The following AUNIP variants were observed in gnomAD, a reference collection of about 807,000 sequenced individuals.
AUNIP encodes aurora kinase A and ninein interacting protein, also known as aurora kinase A- and ninein-interacting protein.
AUNIP carries 16 observed loss-of-function variants against 12.2 expected under a neutral mutation model. That is an observed-to-expected ratio of 1.31 (90% CI 0.88 to 1.99). AUNIP has a LOEUF of 1.99. Among genes scored for constraint, AUNIP ranks in the 30% most tolerant of loss-of-function variants. The pLI is 0.00. For missense variants in AUNIP, 411 were observed against 419.1 expected (o/e 0.98, Z 0.17); for synonymous variants, 142 against 154.8 (o/e 0.92, Z 0.61).
intron 1 of AUNIP, among the ~76,000 whole-genome samples, chr1:25,844,257 C>G (rs564182877): frequency 6.6e-6 from 1 of 152,144 alleles, no homozygotes; most frequent in African/African-American, 2.4e-5. Context: ...TAGGTGTGCA[C>G]CACCATGCCC....
intron 1 of AUNIP, among the ~76,000 whole-genome samples, chr1:25,845,420 T>C (rs2124505731): frequency 6.6e-6 from 1 of 152,312 alleles, no homozygotes; most frequent in Middle Eastern, 3.4e-3. Flanking sequence ...CTGAACTACA[T>C]GTCAGTCCCT....
At chr1:25,846,704 C>A (rs903924517) in intron 1 of AUNIP, among the ~76,000 whole-genome samples, 1 of 152,168 alleles carries the variant, frequency 6.6e-6, no homozygotes, top group East Asian at 1.9e-4. Flanking sequence ...GGCAGCTAAG[C>A]GAGACTCCGT....
intron 1 of AUNIP, among the ~76,000 whole-genome samples, chr1:25,849,029 A>G (rs2048407044): frequency 6.6e-6 from 1 of 152,192 alleles, no homozygotes; most frequent in Admixed American, 6.5e-5. Context: ...ATGAAACCTG[A>G]GAATGGTTCT....
At chr1:25,832,256 G>A (rs1024109992), downstream of AUNIP, 63 of 1,285,932 alleles carry the variant, frequency 4.9e-5, no homozygotes, top group Non-Finnish European at 5.8e-5. Flanking sequence ...TCAGGTAATC[G>A]TGTAGAATGA....
At chr1:25,842,905 G>A (rs1003257281) in intron 1 of AUNIP, among the ~76,000 whole-genome samples, 8 of 152,090 alleles carry the variant, frequency 5.3e-5, no homozygotes, top group Non-Finnish European at 8.8e-5. Flanking sequence ...CATTAGCTGG[G>A]CACAGTGGCT....
In AUNIP at chr1:25,835,074, A is replaced by C. The variant is rs1164090711; in HGVS notation, c.993T>G (p.Asp331Glu). The C allele has an allele frequency of 6.2e-7, 1 of 1,614,110 alleles. No individual in the cohort carries two copies. Among genetic ancestry groups the C allele is most frequent in the African/African-American group, 1.3e-5 (1 of 74,936 alleles). The stretch of plus-strand genomic sequence containing the variant: ...CAGGCTTCAGATTTTGAGTTGGCCC[A>C]TCCTCCTGGCACTGAGCCCAAGGAC... The part of the protein sequence containing the change: ...PNSPWAQCQE[D>E]GPTQNLKPDL... Residue 331 changes from aspartate (D) to glutamate (E), a missense_variant, in exon 3 of 3, where the codon GAT becomes GAG. Transcript: ENST00000374298.
At chr1:25,843,829 T>G (rs1262358575) in intron 1 of AUNIP, among the ~76,000 whole-genome samples, 4 of 151,126 alleles carry the variant, frequency 2.6e-5, no homozygotes, top group Non-Finnish European at 1.5e-5. Flanking sequence ...AATAAAAATT[T>G]TAATGGATGA....
chr1:25,837,883 G>A (rs551841318), intron 1 of AUNIP, among the ~76,000 whole-genome samples: 19 of 152,318 alleles, frequency 1.2e-4, no homozygotes, highest in African/African-American at 4.6e-4. Context: ...TTCTACAGCA[G>A]CAGTTGATGC....
At chr1:25,849,967 G>A (rs943488306) in intron 1 of AUNIP, among the ~76,000 whole-genome samples, 3 of 152,046 alleles carry the variant, frequency 2.0e-5, no homozygotes, top group Non-Finnish European at 4.4e-5. Context: ...ACCAGTTGAT[G>A]TTCATCAGTT....
At chr1:25,833,502 G>A (rs529912087), downstream of AUNIP, among the ~76,000 whole-genome samples, 182 of 151,940 alleles carry the variant, frequency 1.2e-3, no homozygotes, top group Non-Finnish European at 2.1e-3. Context: ...TTTAAATTAG[G>A]CCAGGCACAG....
chr1:25,857,552 T>C (rs1572270454), intron 1 of AUNIP, among the ~76,000 whole-genome samples: 1 of 150,708 alleles, frequency 6.6e-6, no homozygotes, highest in East Asian at 2.0e-4. Flanking sequence ...CCCGGCCATT[T>C]TGATAATTTT....
chr1:25,837,648 C>T (rs2048314030), intron 1 of AUNIP, 94 bp from the exon 2 acceptor site: 1 of 1,307,394 alleles, frequency 7.6e-7, no homozygotes, highest in African/African-American at 1.5e-5. Context: ...CTGAGAACCA[C>T]ACTAGATCCT....
In AUNIP at chr1:25,859,379, G is replaced by T; in HGVS notation, c.-22C>A. 1.3e-6 allele frequency: 2 copies of T among 1,493,540 alleles called. No individual in the cohort carries two copies. The highest frequency in any genetic ancestry group is 1.8e-6 in the Non-Finnish European group (2 of 1,130,160). The allele number at this position is 1,493,540 out of a possible 1,614,324, so 92.5% of individuals were successfully genotyped here. A position where few individuals can be genotyped will look rare whatever the true frequency, so the allele number is the denominator to read the frequency against. ...TCATGGCCGCTGAGGAGACGAAGCCGGCAGGACGCCGGCGCAGGCTCCCGG... is the reference window on the plus strand; with the variant it reads ...TCATGGCCGCTGAGGAGACGAAGCCTGCAGGACGCCGGCGCAGGCTCCCGG... On this transcript the variant is annotated 5_prime_UTR_variant, in exon 1 of 3. Transcript: ENST00000374298.
downstream of AUNIP, among the ~76,000 whole-genome samples, chr1:25,833,602 A>G (rs1315071221): frequency 6.6e-6 from 1 of 152,048 alleles, no homozygotes; most frequent in African/African-American, 2.4e-5. Flanking sequence ...TATTTTAAAA[A>G]TAATTAGCTG....
At chr1:25,831,920 G>A, downstream of AUNIP, 2 of 1,613,650 alleles carry the variant, frequency 1.2e-6, no homozygotes, top group African/African-American at 1.3e-5. Context: ...TGTGTCTCTA[G>A]GAACCGGAGT....
rs746097445 is a variant in AUNIP, at chr1:25,835,537, T to C, written c.530A>G (p.Glu177Gly). Residue 177 changes from glutamate to glycine, a missense_variant, in exon 3 of 3, where the codon GAG (glutamate) becomes GGG (glycine). Physicochemically the swap from Glu to Gly is moderately conservative, Grantham distance 98. Coordinates refer to ENST00000374298, the MANE Select transcript of AUNIP (RefSeq NM_024037.3). ...TAGCAAACAAGAACTTTCCAAGTCC[T>C]CGGTGAAGGAAAAAGCCAGTGGGGT... ...SHTPLAFSFT[E>G]DLESSCLLDR... 8 of 1,614,086 alleles carry C rather than the reference T, an allele frequency of 5.0e-6. No individual in the cohort carries two copies. Among genetic ancestry groups the C allele is most frequent in the Non-Finnish European group, 6.8e-6 (8 of 1,180,044 alleles).
chr1:25,851,292 G>A (rs2048422397), intron 1 of AUNIP, among the ~76,000 whole-genome samples: 1 of 152,108 alleles, frequency 6.6e-6, no homozygotes, highest in Middle Eastern at 3.4e-3. Flanking sequence ...GAGTATTTTT[G>A]TATCTGTATT....
chr1:25,843,228 T>C (rs1326211338), intron 1 of AUNIP, among the ~76,000 whole-genome samples: 2 of 149,772 alleles, frequency 1.3e-5, no homozygotes, highest in African/African-American at 4.9e-5. Flanking sequence ...ATAATGTTCC[T>C]AGCCACTCAA....
intron 1 of AUNIP, among the ~76,000 whole-genome samples, chr1:25,853,788 T>A (rs565515840): frequency 2.5e-4 from 38 of 152,290 alleles, no homozygotes; most frequent in Non-Finnish European, 5.1e-4. Context: ...CTAACATGGC[T>A]GTTAACAGGC....
Sources: allele counts gnomAD v4.1 joint callset (sites outside exome capture counted in the v4.1 genomes callset), GRCh38; gene constraint gnomAD v4.1.1; transcripts MANE v1.5; gene names NCBI Gene and HGNC (gene_info 2026-07-23, HGNC 2026-07-21).